Variants in ACSL4 observed in about 807,000 individuals in gnomAD.
ACSL4 encodes acyl-CoA synthetase long chain family member 4.
Under a neutral mutation model 49.1 loss-of-function variants are expected in ACSL4, and 9 were observed. That is an observed-to-expected ratio of 0.18 (90% CI 0.11 to 0.32). The LOEUF (loss-of-function observed/expected upper bound fraction) is 0.32. Ranked by LOEUF, ACSL4 falls within the 10% of genes least tolerant of loss-of-function variation. ACSL4 has a pLI of 1.00. For missense variants in ACSL4, 333 were observed against 493.7 expected, an observed-to-expected ratio of 0.67 and a Z score of 3.08; for synonymous variants, 191 against 170.3, an observed-to-expected ratio of 1.12 and a Z score of -0.95.
At chrX:109,681,228 C>A (rs763619554) in intron 5 of ACSL4, 38 bp downstream of exon 5, 3 of 1,199,084 alleles carry the variant, frequency 2.5e-6, no homozygotes, top group Non-Finnish European at 3.4e-6. Context: ...TCCTGCCAGA[C>A]AACGCAACCA....
Position 109,725,558 on chromosome X carries a change from C to T in ACSL4, c.-66+7581G>A, listed in dbSNP as rs182099279. ...CGGGCGGATCACGAGGTCAGGAGAT[C>T]GAGACCATCCTGGCTAACACGGTGA... On this transcript the variant is annotated intron_variant, in intron 1 of 15. Coordinates refer to ENST00000672401, the MANE Select transcript of ACSL4 (RefSeq NM_001318510.2). Among the ~76,000 whole-genome samples, 392 of 110,340 alleles carry T rather than the reference C, an allele frequency of 3.6e-3. 3 individuals carry two copies. Among genetic ancestry groups the T allele is most frequent in the African/African-American group, 0.012 (360 of 30,334 alleles).
chrX:109,714,228 GAA>G (rs1261032591), intron 1 of ACSL4, among the ~76,000 whole-genome samples: 1 of 111,206 alleles, frequency 9.0e-6, no homozygotes, highest in African/African-American at 3.3e-5. Flanking sequence ...AGTTTAAAGA[GAA>G]AAAAATCAAT....
chrX:109,658,049 A>C (rs981881621), intron 15 of ACSL4, among the ~76,000 whole-genome samples: 2 of 111,271 alleles, frequency 1.8e-5, no homozygotes, highest in African/African-American at 3.3e-5. Context: ...TTCTTTGCCC[A>C]CTTTTTGATG....
intron 1 of ACSL4, among the ~76,000 whole-genome samples, chrX:109,714,358 T>A (rs1371951647): frequency 1.8e-5 from 2 of 112,482 alleles, no homozygotes; most frequent in African/African-American, 3.2e-5. Context: ...GTCAAAAAAA[T>A]TTAAAAGTTT....
At chrX:109,673,583 T>C (rs1221775345) in intron 9 of ACSL4, among the ~76,000 whole-genome samples, 1 of 112,414 alleles carries the variant, frequency 8.9e-6, no homozygotes, top group Non-Finnish European at 1.9e-5. Flanking sequence ...TGTTATTTGG[T>C]AATTTTGCAA....
chrX:109,729,707 G>A (rs1446463651), intron 1 of ACSL4, among the ~76,000 whole-genome samples: 2 of 112,026 alleles, frequency 1.8e-5, no homozygotes, highest in East Asian at 5.5e-4. Flanking sequence ...AACATCAGAT[G>A]CCCTTCAAGA....
At chrX:109,669,636 G>A (rs1166959721) in intron 9 of ACSL4, among the ~76,000 whole-genome samples, 2 of 111,548 alleles carry the variant, frequency 1.8e-5, no homozygotes, top group South Asian at 3.7e-4. Flanking sequence ...TTCGTGATCC[G>A]CCACCTCGGC....
chrX:109,644,276 G>C, intron 15 of ACSL4, 90 bp from the exon 16 acceptor site: 1 of 845,361 alleles, frequency 1.2e-6, no homozygotes, highest in Non-Finnish European at 1.6e-6. Context: ...GGAAGGAGAA[G>C]CAATTAATAA....
At chrX:109,727,956 A>G (rs1202559382) in intron 1 of ACSL4, among the ~76,000 whole-genome samples, 3 of 112,291 alleles carry the variant, frequency 2.7e-5, no homozygotes, top group Non-Finnish European at 3.8e-5. Flanking sequence ...CCTTATACCA[A>G]TGTTTTATCT....
chrX:109,665,616 G>A lies in ACSL4; in HGVS notation c.1316-122C>T, dbSNP rs186584278. 3.8e-4 allele frequency: 225 copies of A among 586,022 alleles called. 1 individual carries two copies. The East Asian group carries it at 7.7e-3, about 20-fold the overall frequency. 48.3% of individuals were successfully genotyped at this position (586,022 alleles called of 1,213,427 possible). A position where few individuals can be genotyped will look rare whatever the true frequency, so the allele number is the denominator to read the frequency against. ...TGACAAAAGAAGGAGTGCAAAGTGT[G>A]ATCATTTTTCAGTATTTCAACTCCA... On this transcript the variant is annotated intron_variant, in intron 11 of 15. Coordinates refer to ENST00000672401, the MANE Select transcript of ACSL4 (RefSeq NM_001318510.2).
In ACSL4 at chrX:109,713,287, G is replaced by A. The variant is rs185424881; in HGVS notation, c.-65-17091C>T. Reference sequence around the variant, plus strand: ...GAAAACTCAGAAGTCTATCTCTACCGTACTGACACACAGATGCAAGTCACT... The same window carrying A: ...GAAAACTCAGAAGTCTATCTCTACCATACTGACACACAGATGCAAGTCACT... On this transcript the variant is annotated intron_variant, in intron 1 of 15. Coordinates refer to ENST00000672401, the MANE Select transcript of ACSL4 (RefSeq NM_001318510.2). 5.4e-5 allele frequency among the ~76,000 whole-genome samples: 6 copies of A among 111,910 alleles called. No individual in the cohort carries two copies. In the East Asian group the frequency reaches 1.7e-3, roughly 32 times the overall value.
At chrX:109,710,194 C>T (rs1192799473) in intron 1 of ACSL4, among the ~76,000 whole-genome samples, 1 of 112,270 alleles carries the variant, frequency 8.9e-6, no homozygotes, top group Non-Finnish European at 1.9e-5. Flanking sequence ...ATTATCAAAC[C>T]CCTCTTTCTT....
intron 12 of ACSL4, 66 bp from the exon 13 acceptor site, chrX:109,663,468 A>G: frequency 5.1e-6 from 5 of 981,006 alleles, no homozygotes; most frequent in Non-Finnish European, 7.2e-6. Flanking sequence ...TAAAGCTTAT[A>G]CGTATGTTAG....
chrX:109,725,836 C>T (rs1467969091), intron 1 of ACSL4, among the ~76,000 whole-genome samples: 1 of 111,482 alleles, frequency 9.0e-6, no homozygotes, highest in Non-Finnish European at 1.9e-5. Flanking sequence ...TTTAAGCGGA[C>T]AGTATTTTTT....
In ACSL4 at chrX:109,691,604, C is replaced by T. The variant is rs374626925; in HGVS notation, c.-13+4540G>A. 2.5e-4 allele frequency among the ~76,000 whole-genome samples: 28 copies of T among 112,143 alleles called. No homozygotes were observed. In the East Asian group the frequency reaches 6.9e-3, roughly 28 times the overall value. ...ACTTTGTAAATGAAATCAAACTTTACAAGAGACATTACAATTAACTTTATA... is the reference window on the plus strand; with the variant it reads ...ACTTTGTAAATGAAATCAAACTTTATAAGAGACATTACAATTAACTTTATA... On this transcript the variant is annotated intron_variant, in intron 2 of 15. Transcript: ENST00000672401.
At chrX:109,654,562 C>A (rs1921464918) in intron 15 of ACSL4, among the ~76,000 whole-genome samples, 1 of 111,761 alleles carries the variant, frequency 8.9e-6, no homozygotes, top group African/African-American at 3.3e-5. Context: ...AAAATGGGCA[C>A]TGAATGAGAA....
At chrX:109,681,415 A>G (rs1443349103) in intron 4 of ACSL4, 40 bp from the exon 5 acceptor site, 1 of 932,231 alleles carries the variant, frequency 1.1e-6, no homozygotes. Context: ...AGTAATAAAC[A>G]TCTATTAGAA....
intron 1 of ACSL4, among the ~76,000 whole-genome samples, chrX:109,717,347 T>G (rs1927198215): frequency 9.1e-6 from 1 of 109,685 alleles, no homozygotes; most frequent in South Asian, 3.9e-4. Flanking sequence ...ATACAAAAAA[T>G]TACCTGGGCA....
At chrX:109,644,911 C>T (rs907936119) in intron 15 of ACSL4, among the ~76,000 whole-genome samples, 4 of 112,465 alleles carry the variant, frequency 3.6e-5, no homozygotes, top group Middle Eastern at 4.2e-3. Flanking sequence ...GTCAAAGAAA[C>T]GGGTCACCTG....
Sources: allele counts gnomAD v4.1 joint callset (sites outside exome capture counted in the v4.1 genomes callset), GRCh38; gene constraint gnomAD v4.1.1; transcripts MANE v1.5; gene names NCBI Gene and HGNC (gene_info 2026-07-23, HGNC 2026-07-21).